Variants in TRIT1 observed in about 807,000 individuals in gnomAD.
TRIT1 encodes the protein tRNA dimethylallyltransferase.
TRIT1 carries 43 observed loss-of-function variants against 51.2 expected under a neutral mutation model. The observed-to-expected ratio is 0.84, with a 90% CI of 0.66 to 1.08. The LOEUF (loss-of-function observed/expected upper bound fraction) is 1.08, where lower values mean the gene tolerates loss of function less well. TRIT1 is among the 50% of genes least tolerant of loss of function. The pLI is 0.00. For synonymous variants in TRIT1, 184 were observed against 203.9 expected, an observed-to-expected ratio of 0.90 and a Z score of 0.83; for missense variants, 528 against 578.4, an observed-to-expected ratio of 0.91 and a Z score of 0.89.
At chr1:39,881,426 C>T (rs1003477324) in intron 1 of TRIT1, 1 of 152,140 alleles carries the variant, frequency 6.6e-6, no homozygotes, top group South Asian at 2.1e-4. Context: ...AATGAATGTT[C>T]CTTACACACT....
At chr1:39,867,299 C>G (rs571324417) in intron 1 of TRIT1, among the ~76,000 whole-genome samples, 63 of 152,282 alleles carry the variant, frequency 4.1e-4, no homozygotes, top group African/African-American at 1.4e-3. Flanking sequence ...GCATCCACCA[C>G]CATGCCTGGC....
At chr1:39,854,538 A>G (rs758370075) in intron 2 of TRIT1, among the ~76,000 whole-genome samples, 32 of 152,182 alleles carry the variant, frequency 2.1e-4, no homozygotes, top group Non-Finnish European at 1.5e-4. Context: ...ACATTTTGCC[A>G]CTTGAGGCTT....
chr1:39,852,382 G>A (rs1429404995), intron 4 of TRIT1, among the ~76,000 whole-genome samples: 1 of 152,104 alleles, frequency 6.6e-6, no homozygotes, highest in African/African-American at 2.4e-5. Context: ...TGCATAATCA[G>A]TTATGAAACC....
At position 39,838,886 on chromosome 1, in the gene TRIT1, C is replaced by CAAA. The variant is rs58018613; in HGVS notation, c.*2855_*2857dup. On this transcript the variant is annotated 3_prime_UTR_variant, in exon 11 of 11. Coordinates refer to ENST00000316891, the MANE Select transcript of TRIT1 (RefSeq NM_017646.6). Reference sequence around the variant, plus strand: ...GGAACTAAAGAGAGCTAAGAGAGGACAAAAAATTACTGAGAGTTAGGAAGG... The same window carrying CAAA: ...GGAACTAAAGAGAGCTAAGAGAGGACAAAAAAAAATTACTGAGAGTTAGGAAGG... 6.6e-6 allele frequency among the ~76,000 whole-genome samples: 1 copy of CAAA among 151,912 alleles called. No individual in the cohort carries two copies. Among genetic ancestry groups the CAAA allele is most frequent in the Admixed American group, 6.6e-5 (1 of 15,260 alleles).
chr1:39,880,102 G>C (rs1028061119), intron 1 of TRIT1, among the ~76,000 whole-genome samples: 1 of 151,700 alleles, frequency 6.6e-6, no homozygotes, highest in Non-Finnish European at 1.5e-5. Context: ...TGGAATCCTG[G>C]AGGCGGAGGT....
chr1:39,848,902 G>C (rs1252905917), intron 5 of TRIT1, among the ~76,000 whole-genome samples: 2 of 151,454 alleles, frequency 1.3e-5, no homozygotes, highest in African/African-American at 2.4e-5. Flanking sequence ...GGTCGTAATT[G>C]TTCAGATGTG....
At chr1:39,880,032 G>A (rs1447731760) in intron 1 of TRIT1, among the ~76,000 whole-genome samples, 1 of 150,370 alleles carries the variant, frequency 6.7e-6, no homozygotes, top group Non-Finnish European at 1.5e-5. Flanking sequence ...AAAATTAGCT[G>A]GGCCTGGTGG....
At position 39,876,558 on chromosome 1, in the gene TRIT1, A is replaced by ATC. The variant is rs879423859; in HGVS notation, c.174+6759_174+6760insGA. Among the ~76,000 whole-genome samples, 670 of 111,844 alleles carry ATC rather than the reference A, an allele frequency of 6.0e-3. 5 individuals are homozygous for ATC. Among genetic ancestry groups the ATC allele is most frequent in the African/African-American group, 0.012 (463 of 37,924 alleles). The allele number at this position is 111,844 out of a possible 152,430, so 73.4% of individuals were successfully genotyped here. A position where few individuals can be genotyped will look rare whatever the true frequency, so the allele number is the denominator to read the frequency against. On this transcript the variant is annotated intron_variant, in intron 1 of 10. Transcript: ENST00000316891. Reference sequence around the variant, plus strand: ...TATCTATCTATCTATCTATCTATCTATATATATATATGAATGATGAGTCGA... The same window carrying ATC: ...TATCTATCTATCTATCTATCTATCTATCTATATATATATGAATGATGAGTCGA...
intron 1 of TRIT1, among the ~76,000 whole-genome samples, chr1:39,876,927 CAA>C (rs1283056006): frequency 3.4e-5 from 2 of 59,554 alleles, no homozygotes; most frequent in Non-Finnish European, 6.4e-5. Context: ...GACTCCATCT[CAA>C]AAAAAAAAAA....
intron 1 of TRIT1, among the ~76,000 whole-genome samples, chr1:39,868,831 G>A (rs879476873): frequency 7.2e-5 from 11 of 151,736 alleles, no homozygotes; most frequent in Non-Finnish European, 1.0e-4. Flanking sequence ...AGGCCGAGGC[G>A]GGTGGATCAC....
At chr1:39,877,038 A>AC (rs1372298923) in intron 1 of TRIT1, among the ~76,000 whole-genome samples, 2 of 148,644 alleles carry the variant, frequency 1.3e-5, no homozygotes, top group African/African-American at 4.9e-5. Context: ...AAAAAAAAAA[A>AC]AAAAAACAGG....
At chr1:39,864,337 C>T (rs537356610) in intron 1 of TRIT1, among the ~76,000 whole-genome samples, 145 of 150,932 alleles carry the variant, frequency 9.6e-4, no homozygotes, top group African/African-American at 3.4e-3. Context: ...AGGCCAGGCG[C>T]GGTGGCTCAT....
At chr1:39,858,975 G>A (rs77150321) in intron 1 of TRIT1, among the ~76,000 whole-genome samples, 5,915 of 152,160 alleles carry the variant, frequency 0.039, 167 homozygotes, top group Middle Eastern at 0.099. Context: ...AGGGGAGGCC[G>A]GACGCAGTGG....
chr1:39,847,136 TA>T, intron 8 of TRIT1, 83 bp downstream of exon 8: 1 of 1,171,740 alleles, frequency 8.5e-7, no homozygotes, highest in Non-Finnish European at 1.2e-6. Flanking sequence ...GCCCAGAATC[TA>T]AAATTCATTT....
intron 1 of TRIT1, chr1:39,862,919 C>G: frequency 1.0e-6 from 1 of 985,394 alleles, no homozygotes; most frequent in Non-Finnish European, 1.2e-6. Context: ...CCCCTTCTCC[C>G]AAAGGATACT....
intron 5 of TRIT1, 54 bp from the exon 6 acceptor site, chr1:39,848,151 T>C: frequency 3.0e-6 from 4 of 1,340,446 alleles, no homozygotes; most frequent in Non-Finnish European, 4.3e-6. Context: ...ACCTACTATA[T>C]ACTTACATGA....
In TRIT1 at chr1:39,848,170, C is replaced by T; in HGVS notation, c.704-73G>A. 4 of 1,057,326 alleles carry T rather than the reference C, an allele frequency of 3.8e-6. No individual in the cohort carries two copies. In the South Asian group the frequency reaches 5.4e-5, roughly 14 times the overall value. The allele number at this position is 1,057,326 out of a possible 1,614,324, so 65.5% of individuals were successfully genotyped here. ...ACTATATACTTACATGACGAGTGAA[C>T]AGGTGGTCACAAAAAAAGAGAATTT... On this transcript the variant is annotated intron_variant, in intron 5 of 10. Transcript: ENST00000316891.
intron 1 of TRIT1, among the ~76,000 whole-genome samples, chr1:39,879,869 T>A (rs191959799): frequency 1.3e-5 from 1 of 77,092 alleles, no homozygotes; most frequent in Non-Finnish European, 2.3e-5. Context: ...CGAAACTCCA[T>A]CTCAAAAAAA....
chr1:39,861,069 T>G (rs1643212408), intron 1 of TRIT1, among the ~76,000 whole-genome samples: 1 of 152,186 alleles, frequency 6.6e-6, no homozygotes, highest in Non-Finnish European at 1.5e-5. Context: ...GGAGCAAGAC[T>G]CTGTCTCAAA....
Sources: allele counts gnomAD v4.1 joint callset (sites outside exome capture counted in the v4.1 genomes callset), GRCh38; gene constraint gnomAD v4.1.1; transcripts MANE v1.5; gene names NCBI Gene and HGNC (gene_info 2026-07-23, HGNC 2026-07-21).